The following ATF7 variants were observed in gnomAD, a reference collection of about 807,000 sequenced individuals.
The protein encoded by ATF7 is cyclic AMP-dependent transcription factor ATF-7.
Under a neutral mutation model 50.4 loss-of-function variants are expected in ATF7, and 10 were observed. The observed-to-expected ratio is 0.20, with a 90% CI of 0.12 to 0.34. The LOEUF is 0.34. Among genes scored for constraint, ATF7 ranks in the 10% least tolerant of loss-of-function variants. The probability of loss-of-function intolerance (pLI) is 1.00; values close to 1 mark genes in which losing one functional copy is unlikely to be tolerated. For synonymous variants in ATF7, 201 were observed against 226.4 expected (o/e 0.89, Z 1.01); for missense variants, 465 against 613.9 (o/e 0.76, Z 2.56).
intron 4 of ATF7, among the ~76,000 whole-genome samples, chr12:53,542,371 G>C (rs1385636131): frequency 2.6e-5 from 4 of 151,582 alleles, no homozygotes; most frequent in Non-Finnish European, 2.9e-5. Flanking sequence ...AGCTTGCAGT[G>C]AGCTGAGATC....
chr12:53,597,076 G>C (rs1020122527), intron 2 of ATF7, among the ~76,000 whole-genome samples: 8 of 152,054 alleles, frequency 5.3e-5, no homozygotes, highest in Non-Finnish European at 1.2e-4. Context: ...GGTTGATGAG[G>C]CCTCAAGAGA....
At chr12:53,548,342 A>C (rs1048676368) in intron 3 of ATF7, among the ~76,000 whole-genome samples, 4 of 151,568 alleles carry the variant, frequency 2.6e-5, no homozygotes, top group African/African-American at 9.7e-5. Context: ...TTCTTTCTTT[A>C]TTCTTTTTTA....
chr12:53,580,724 G>C (rs747445477), intron 2 of ATF7, among the ~76,000 whole-genome samples: 40 of 147,074 alleles, frequency 2.7e-4, no homozygotes, highest in Admixed American at 6.8e-5. Context: ...AAAAAGGTGA[G>C]AATAGCTATA....
chr12:53,533,931 T>A (rs1939057482), intron 6 of ATF7, among the ~76,000 whole-genome samples: 1 of 152,230 alleles, frequency 6.6e-6, no homozygotes, highest in Non-Finnish European at 1.5e-5. Flanking sequence ...GAACTTCTAA[T>A]GTTTTAAGAG....
At chr12:53,565,781 C>G (rs1438991365) in intron 2 of ATF7, among the ~76,000 whole-genome samples, 1 of 152,174 alleles carries the variant, frequency 6.6e-6, no homozygotes, top group Admixed American at 6.5e-5. Context: ...GTGTGAGCCC[C>G]TGTGCCTGGC....
At chr12:53,600,925 T>C (rs1368994796) in intron 2 of ATF7, 28 bp downstream of exon 2, 2 of 1,610,282 alleles carry the variant, frequency 1.2e-6, no homozygotes, top group South Asian at 2.2e-5. Flanking sequence ...CAACGAGACA[T>C]TCACAATAAA....
At chr12:53,582,529 A>G (rs1257017941) in intron 2 of ATF7, among the ~76,000 whole-genome samples, 1 of 152,074 alleles carries the variant, frequency 6.6e-6, no homozygotes, top group Non-Finnish European at 1.5e-5. Flanking sequence ...AGTAGCAAAC[A>G]TAGTGTGGTA....
chr12:53,606,083 A>G lies in ATF7; in HGVS notation c.-21-5062T>C, dbSNP rs1943590241. Among the ~76,000 whole-genome samples the G allele has an allele frequency of 2.0e-5, 3 of 152,274 alleles. No homozygotes were observed. In the Middle Eastern group the frequency reaches 0.01, roughly 518 times the overall value. On this transcript the variant is annotated intron_variant, in intron 1 of 11. Coordinates refer to ENST00000420353, the MANE Select transcript of ATF7 (RefSeq NM_006856.3). ...TGCTTTTGTCACCCAAATAACATGA[A>G]GCTCTGTAGTTTTTGGTTACACTGC...
At chr12:53,577,121 A>G (rs1445495947) in intron 2 of ATF7, among the ~76,000 whole-genome samples, 1 of 152,174 alleles carries the variant, frequency 6.6e-6, no homozygotes, top group East Asian at 1.9e-4. Flanking sequence ...ATAGCTGAGC[A>G]AAGAATCTTT....
chr12:53,569,790 T>C (rs1941648848), intron 2 of ATF7, among the ~76,000 whole-genome samples: 1 of 152,140 alleles, frequency 6.6e-6, no homozygotes, highest in Non-Finnish European at 1.5e-5. Context: ...AGGATTCTCC[T>C]GCCTCAGCCT....
intron 1 of ATF7, among the ~76,000 whole-genome samples, chr12:53,610,368 C>A (rs1438310384): frequency 6.6e-6 from 1 of 151,794 alleles, no homozygotes; most frequent in Non-Finnish European, 1.5e-5. Flanking sequence ...CGTTGAAGAC[C>A]AGTCTGGCTA....
At chr12:53,536,065 T>C (rs1342101093) in intron 5 of ATF7, among the ~76,000 whole-genome samples, 1 of 152,024 alleles carries the variant, frequency 6.6e-6, no homozygotes, top group Non-Finnish European at 1.5e-5. Context: ...AAAATCAGGA[T>C]ACAGACCATT....
intron 1 of ATF7, among the ~76,000 whole-genome samples, chr12:53,618,780 G>A (rs924119951): frequency 5.9e-5 from 9 of 152,104 alleles, no homozygotes; most frequent in South Asian, 2.1e-4. Flanking sequence ...GGTCGGACGC[G>A]ATGGTTCTTG....
At chr12:53,569,670 A>T (rs940248277) in intron 2 of ATF7, among the ~76,000 whole-genome samples, 25 of 148,566 alleles carry the variant, frequency 1.7e-4, no homozygotes, top group African/African-American at 5.0e-4. Context: ...AGATGTTCAA[A>T]TTTTTTTTTA....
intron 2 of ATF7, among the ~76,000 whole-genome samples, chr12:53,592,896 T>C (rs979687172): frequency 2.5e-4 from 38 of 152,278 alleles, no homozygotes; most frequent in Admixed American, 1.5e-3. Context: ...AATAAAGATA[T>C]TTTGCTTTAT....
At chr12:53,533,553 G>T (rs959555708) in intron 6 of ATF7, among the ~76,000 whole-genome samples, 2 of 152,208 alleles carry the variant, frequency 1.3e-5, no homozygotes, top group African/African-American at 4.8e-5. Context: ...CCACTGGCTT[G>T]CCTTGGGAAA....
chr12:53,523,397 G>A lies in ATF7; in HGVS notation c.1126-13C>T, dbSNP rs1229585950. ...ATGTGACTTCATTCTGAGGAGGGAG[G>A]GAAGAAAAGAGTATCAAGAAAATTC... On this transcript the variant is annotated splice_polypyrimidine_tract_variant and intron_variant, in intron 10 of 11. Transcript: ENST00000420353. The A allele has an allele frequency of 6.3e-7, 1 of 1,586,706 alleles. No individual in the cohort carries two copies. Among genetic ancestry groups the A allele is most frequent in the African/African-American group, 1.3e-5 (1 of 74,458 alleles).
intron 2 of ATF7, among the ~76,000 whole-genome samples, chr12:53,597,776 T>G (rs1015105775): frequency 1.4e-5 from 2 of 144,216 alleles, no homozygotes; most frequent in African/African-American, 2.6e-5. Flanking sequence ...GCCACGGCAC[T>G]CCAGCTTGGG....
chr12:53,533,077 C>T, intron 7 of ATF7, 83 bp downstream of exon 7: 1 of 1,243,492 alleles, frequency 8.0e-7, no homozygotes, highest in Non-Finnish European at 1.2e-6. Context: ...TTCCCTGGGG[C>T]TCATGTGTAT....
Sources: allele counts gnomAD v4.1 joint callset (sites outside exome capture counted in the v4.1 genomes callset), GRCh38; gene constraint gnomAD v4.1.1; transcripts MANE v1.5; gene names NCBI Gene and HGNC (gene_info 2026-07-23, HGNC 2026-07-21).